Variants in ZNF532 observed in about 807,000 individuals in gnomAD.
ZNF532 encodes the protein zinc finger protein 532.
In ZNF532, 22 loss-of-function variants were observed where a neutral mutation model predicts 89.3. That is an observed-to-expected ratio of 0.25 (90% CI 0.18 to 0.35). The LOEUF (loss-of-function observed/expected upper bound fraction) is 0.35. ZNF532 is among the 10% of genes least tolerant of loss of function. ZNF532 has a pLI of 1.00. For synonymous variants in ZNF532, 606 were observed against 649.6 expected, an observed-to-expected ratio of 0.93 and a Z score of 1.02; for missense variants, 1,132 against 1,643.4, an observed-to-expected ratio of 0.69 and a Z score of 5.38.
At chr18:58,951,763 C>T (rs540151914) in intron 6 of ZNF532, among the ~76,000 whole-genome samples, 2 of 150,828 alleles carry the variant, frequency 1.3e-5, no homozygotes, top group East Asian at 3.9e-4. Context: ...CATTCTCCTG[C>T]CTCTGCCTCC....
chr18:58,970,607 G>A (rs982000793), intron 7 of ZNF532, among the ~76,000 whole-genome samples: 4 of 152,262 alleles, frequency 2.6e-5, no homozygotes, highest in Admixed American at 6.5e-5. Flanking sequence ...TTTCCAGGGC[G>A]TCAGTCATTG....
intron 2 of ZNF532, among the ~76,000 whole-genome samples, chr18:58,888,873 ATATTATATATATATATTT>A (rs2058655179): frequency 3.7e-5 from 2 of 54,224 alleles, no homozygotes; most frequent in Non-Finnish European, 6.0e-5. Context: ...TATATAATAT[ATATTATATATATATATTT>A]TATATATATA....
intron 2 of ZNF532, among the ~76,000 whole-genome samples, chr18:58,892,923 A>G (rs962540550): frequency 6.6e-6 from 1 of 152,174 alleles, no homozygotes; most frequent in African/African-American, 2.4e-5. Context: ...CTTGTCAATT[A>G]ACTGAGAGCA....
intron 2 of ZNF532, among the ~76,000 whole-genome samples, chr18:58,892,228 A>C (rs58976341): frequency 0.017 from 2,559 of 152,264 alleles, 90 homozygotes; most frequent in African/African-American, 0.058. Flanking sequence ...TTTTTGTTTA[A>C]GAGTTATTTT....
chr18:58,958,322 C>T (rs2065007304), intron 7 of ZNF532, among the ~76,000 whole-genome samples: 1 of 152,114 alleles, frequency 6.6e-6, no homozygotes, highest in Admixed American at 6.5e-5. Context: ...ACTGCTTTAG[C>T]TATTTAAAAA....
At position 58,984,610 on chromosome 18, in the gene ZNF532, G is replaced by C. The variant is rs1318620683; in HGVS notation, c.*144G>C. 6 of 942,518 alleles carry C rather than the reference G, an allele frequency of 6.4e-6. No homozygotes were observed. The highest frequency in any genetic ancestry group is 5.5e-5 in the South Asian group (3 of 54,304). The allele number at this position is 942,518 out of a possible 1,614,324, so 58.4% of individuals were successfully genotyped here. On this transcript the variant is annotated 3_prime_UTR_variant, in exon 10 of 10. Transcript: ENST00000591808. ...CTTTCAATGTACCTTCCTTCACCTC[G>C]TCGTATATATCCTCGATAAGTATTA...
At chr18:58,900,621 T>G (rs914303217) in intron 2 of ZNF532, among the ~76,000 whole-genome samples, 8 of 152,316 alleles carry the variant, frequency 5.3e-5, no homozygotes, top group Middle Eastern at 3.4e-3. Flanking sequence ...GGTGGTCACC[T>G]GCCCCTCCCT....
intron 2 of ZNF532, among the ~76,000 whole-genome samples, chr18:58,877,065 A>G (rs949484814): frequency 2.0e-5 from 3 of 152,092 alleles, no homozygotes; most frequent in African/African-American, 7.2e-5. Context: ...GTCTCGAGAA[A>G]AAAAAAAAGC....
intron 7 of ZNF532, among the ~76,000 whole-genome samples, chr18:58,956,338 C>A (rs1420142189): frequency 6.6e-6 from 1 of 152,134 alleles, no homozygotes; most frequent in Admixed American, 6.5e-5. Flanking sequence ...TGAGGCACAT[C>A]GTATTAGATT....
chr18:58,933,515 G>T (rs1443481580), intron 3 of ZNF532, among the ~76,000 whole-genome samples: 1 of 152,170 alleles, frequency 6.6e-6, no homozygotes, highest in Admixed American at 6.5e-5. Context: ...CATTTTAGAA[G>T]ATGGTAGATA....
rs897326598 is a variant in ZNF532, at chr18:58,923,324, G to A, written c.2346+2691G>A. Among the ~76,000 whole-genome samples the A allele has an allele frequency of 2.0e-5, 3 of 150,916 alleles. No homozygotes were observed. The Admixed American group carries it at 2.0e-4, about 10-fold the overall frequency. On this transcript the variant is annotated intron_variant, in intron 3 of 9. Transcript: ENST00000591808. ...TGTTCCTCGTCTCCCCTTTCTCACT[G>A]GATCTAGAATGCTTCTTCACAGCTT... is the stretch of plus-strand genomic sequence containing the variant.
At chr18:58,901,831 C>A (rs546834045) in intron 2 of ZNF532, among the ~76,000 whole-genome samples, 1 of 152,130 alleles carries the variant, frequency 6.6e-6, no homozygotes, top group African/African-American at 2.4e-5. Flanking sequence ...TGGCTTCGCA[C>A]CCCACCCTGC....
chr18:58,911,495 G>A (rs1331278699), intron 2 of ZNF532, among the ~76,000 whole-genome samples: 1 of 152,198 alleles, frequency 6.6e-6, no homozygotes, highest in Non-Finnish European at 1.5e-5. Context: ...TGGGAGGGGA[G>A]GCTGGAGGAT....
chr18:58,884,176 C>A (rs987000773), intron 2 of ZNF532, among the ~76,000 whole-genome samples: 7 of 152,214 alleles, frequency 4.6e-5, no homozygotes, highest in African/African-American at 1.7e-4. Context: ...GTCAGGAGTT[C>A]AAGACCAGCC....
At chr18:58,901,695 G>A (rs939606785) in intron 2 of ZNF532, among the ~76,000 whole-genome samples, 13 of 152,172 alleles carry the variant, frequency 8.5e-5, no homozygotes, top group African/African-American at 2.9e-4. Flanking sequence ...GAGTCCACCT[G>A]CAGGGGTGGA....
chr18:58,889,159 GTT>G (rs2058711983), intron 2 of ZNF532, among the ~76,000 whole-genome samples: 1 of 151,324 alleles, frequency 6.6e-6, no homozygotes, highest in African/African-American at 2.4e-5. Context: ...TACAAATCAT[GTT>G]TTCTCTTTCC....
At chr18:58,965,034 A>G (rs1028662775) in intron 7 of ZNF532, among the ~76,000 whole-genome samples, 52 of 148,940 alleles carry the variant, frequency 3.5e-4, no homozygotes, top group Non-Finnish European at 1.2e-4. Context: ...AACTTTTATT[A>G]TAATTTATAT....
intron 2 of ZNF532, among the ~76,000 whole-genome samples, chr18:58,867,362 C>T (rs929301750): frequency 6.6e-6 from 1 of 152,184 alleles, no homozygotes; most frequent in Non-Finnish European, 1.5e-5. Flanking sequence ...TTAGACCAAT[C>T]TTTCCAGCTG....
At chr18:58,877,156 C>A (rs187898447) in intron 2 of ZNF532, among the ~76,000 whole-genome samples, 5 of 152,188 alleles carry the variant, frequency 3.3e-5, no homozygotes, top group African/African-American at 9.7e-5. Flanking sequence ...AGCTTGCCAC[C>A]GTTTCTGCCC....
Sources: allele counts gnomAD v4.1 joint callset (sites outside exome capture counted in the v4.1 genomes callset), GRCh38; gene constraint gnomAD v4.1.1; transcripts MANE v1.5; gene names NCBI Gene and HGNC (gene_info 2026-07-23, HGNC 2026-07-21).